The following CSMD1 variants were observed in gnomAD, a reference collection of about 807,000 sequenced individuals.
CSMD1 encodes the protein CUB and Sushi multiple domains 1, also known as CUB and sushi domain-containing protein 1.
Under a neutral mutation model 417.5 loss-of-function variants are expected in CSMD1, and 213 were observed. That is an observed-to-expected ratio of 0.51 (90% confidence interval 0.46 to 0.57). The LOEUF (loss-of-function observed/expected upper bound fraction) is 0.57, where lower values mean the gene tolerates loss of function less well. Ranked by LOEUF, CSMD1 falls within the 20% of genes least tolerant of loss-of-function variation. CSMD1 has a pLI of 0.00. For missense variants in CSMD1, 6,923 were observed against 4,529.7 expected (o/e 1.53, Z -15.17); for synonymous variants, 2,862 against 1,736.8 (o/e 1.65, Z -16.11).
At chr8:4,483,957 G>A (rs1269352226) in intron 2 of CSMD1, among the ~76,000 whole-genome samples, 2 of 152,214 alleles carry the variant, frequency 1.3e-5, no homozygotes, top group South Asian at 2.1e-4. Context: ...GTCTCTCATT[G>A]ACAGTCCTGC....
At chr8:3,887,010 C>G (rs928306163) in intron 5 of CSMD1, among the ~76,000 whole-genome samples, 2 of 152,154 alleles carry the variant, frequency 1.3e-5, no homozygotes, top group African/African-American at 4.8e-5. Context: ...CCTGGTACCA[C>G]ATGGACTTCA....
intron 2 of CSMD1, among the ~76,000 whole-genome samples, chr8:4,537,546 G>C (rs73661516): frequency 6.6e-6 from 1 of 152,116 alleles, no homozygotes; most frequent in African/African-American, 2.4e-5. Context: ...TGATTAAAAA[G>C]ATTAGTTTTC....
intron 5 of CSMD1, among the ~76,000 whole-genome samples, chr8:3,919,992 AT>A (rs560965777): frequency 9.7e-4 from 146 of 150,756 alleles, no homozygotes; most frequent in African/African-American, 3.0e-3. Flanking sequence ...AATATACCAA[AT>A]TTTTTTTTAC....
intron 1 of CSMD1, chr8:4,787,812 T>G: frequency 1.3e-6 from 2 of 1,575,188 alleles, no homozygotes; most frequent in Non-Finnish European, 1.7e-6. Flanking sequence ...TCATGAGTCA[T>G]GCTACACAGG....
intron 37 of CSMD1, among the ~76,000 whole-genome samples, chr8:3,163,040 A>G (rs1163324784): frequency 6.6e-6 from 1 of 152,206 alleles, no homozygotes; most frequent in African/African-American, 2.4e-5. Flanking sequence ...TAGAATCAAA[A>G]ATTGATTTTG....
chr8:4,023,753 ATTTTTTTTTTTTTT>A (rs760333220), intron 4 of CSMD1, among the ~76,000 whole-genome samples: 12 of 50,126 alleles, frequency 2.4e-4, no homozygotes, highest in South Asian at 1.1e-3. Flanking sequence ...CGCTCGGCTA[ATTTTTTTTTTTTTT>A]TTTTTTTTTT....
intron 6 of CSMD1, among the ~76,000 whole-genome samples, chr8:3,733,020 G>A (rs1439281686): frequency 6.6e-6 from 1 of 151,924 alleles, no homozygotes; most frequent in Non-Finnish European, 1.5e-5. Flanking sequence ...CCCTGATCAA[G>A]GGAAATCTGA....
At chr8:4,258,210 T>A (rs959993490) in intron 3 of CSMD1, among the ~76,000 whole-genome samples, 23 of 148,852 alleles carry the variant, frequency 1.5e-4, no homozygotes, top group Admixed American at 6.1e-4. Context: ...CTTCCAAAGT[T>A]CTGAGATTAA....
rs182448755 is a variant in CSMD1 at position 4,426,764 on chromosome 8, T to C, written c.303-6699A>G. On this transcript the variant is annotated intron_variant, in intron 2 of 69. Transcript: ENST00000635120. ...ACAATATAGTAATATAGTAATATTT[T>C]ATATTACAATACAGATGATATTATA... 6.4e-3 allele frequency among the ~76,000 whole-genome samples: 940 copies of C among 148,028 alleles called. 7 individuals carry two copies. The highest frequency in any genetic ancestry group is 0.022 in the African/African-American group (895 of 40,828).
At chr8:4,559,504 G>A (rs1272176330) in intron 2 of CSMD1, among the ~76,000 whole-genome samples, 3 of 152,186 alleles carry the variant, frequency 2.0e-5, no homozygotes, top group Non-Finnish European at 4.4e-5. Flanking sequence ...TTAGAAAGGT[G>A]AGAGACGAGG....
rs761974183 is a variant in CSMD1, at chr8:3,091,612, C to G, written c.7189G>C (p.Glu2397Gln). The G allele has an allele frequency of 1.7e-5, 28 of 1,611,330 alleles. No individual in the cohort carries two copies. In the East Asian group the frequency reaches 6.3e-4, roughly 36 times the overall value. Residue 2397 changes from glutamate to glutamine, a missense_variant, in exon 48 of 70, where the codon GAA (glutamate) becomes CAA (glutamine). Coordinates refer to ENST00000635120, the MANE Select transcript of CSMD1 (RefSeq NM_033225.6). ...LLVVLSGNHT[E>Q]QSNFTSRSNQ... ...CTCCTGCTTGTAAAATTTGATTGTT[C>G]AGTATGATTCCCACTTAAGACTACT... is the stretch of plus-strand genomic sequence containing the variant.
chr8:3,017,320 A>G (rs894322220), intron 52 of CSMD1, among the ~76,000 whole-genome samples: 1 of 152,190 alleles, frequency 6.6e-6, no homozygotes, highest in African/African-American at 2.4e-5. Context: ...TCAGAAGGAT[A>G]TTTAGGAATG....
chr8:3,241,909 T>C lies in CSMD1; in HGVS notation c.4154-11678A>G, dbSNP rs369656041. On this transcript the variant is annotated intron_variant, in intron 26 of 69. Coordinates refer to ENST00000635120, the MANE Select transcript of CSMD1 (RefSeq NM_033225.6). ...GGTTTGAGGGCTGGAATTTAATTTT[T>C]GGAGTTTTATTTAATGCCGGGAGCA... Among the ~76,000 whole-genome samples the C allele has an allele frequency of 1.8e-3, 270 of 151,538 alleles. 9 individuals are homozygous for C. In the South Asian group the frequency reaches 0.056, roughly 32 times the overall value.
intron 8 of CSMD1, among the ~76,000 whole-genome samples, chr8:3,597,670 G>A (rs1013975303): frequency 6.6e-6 from 1 of 152,166 alleles, no homozygotes; most frequent in Non-Finnish European, 1.5e-5. Context: ...AAAATGATGA[G>A]TTCATGTCCT....
chr8:4,026,598 C>T (rs1482152588), intron 4 of CSMD1, among the ~76,000 whole-genome samples: 3 of 152,346 alleles, frequency 2.0e-5, no homozygotes, highest in South Asian at 4.1e-4. Flanking sequence ...AAGGACACTG[C>T]CACTCACAGT....
intron 3 of CSMD1, among the ~76,000 whole-genome samples, chr8:4,105,206 G>A (rs369767164): frequency 3.3e-5 from 5 of 152,072 alleles, no homozygotes; most frequent in Non-Finnish European, 5.9e-5. Flanking sequence ...TATTCCAAGG[G>A]CAGAAAAAGC....
At chr8:4,517,704 A>G (rs945438934) in intron 2 of CSMD1, among the ~76,000 whole-genome samples, 1 of 152,224 alleles carries the variant, frequency 6.6e-6, no homozygotes, top group Non-Finnish European at 1.5e-5. Flanking sequence ...CAAAATACTA[A>G]TACTTAGTTT....
chr8:3,959,023 G>A (rs1812151210), intron 5 of CSMD1, among the ~76,000 whole-genome samples: 1 of 152,126 alleles, frequency 6.6e-6, no homozygotes, highest in Admixed American at 6.5e-5. Context: ...CTCTGCGGCG[G>A]CTTCTCCATG....
chr8:4,579,115 T>C (rs1274185896), intron 2 of CSMD1, among the ~76,000 whole-genome samples: 1 of 151,876 alleles, frequency 6.6e-6, no homozygotes, highest in Non-Finnish European at 1.5e-5. Context: ...CAATAAAACA[T>C]GCAGGAAGAG....
Sources: gnomAD v4.1 joint callset for allele counts (sites outside exome capture counted in the v4.1 genomes callset) on GRCh38, gnomAD v4.1.1 for gene constraint, MANE v1.5 for transcripts, NCBI Gene and HGNC (gene_info 2026-07-23, HGNC 2026-07-21) for gene names.